The following TBCB variants were observed in gnomAD, a reference collection of about 807,000 sequenced individuals.
The protein encoded by TBCB is tubulin-folding cofactor B.
Under a neutral mutation model 29.2 loss-of-function variants are expected in TBCB, and 18 were observed. The observed-to-expected ratio is 0.62, with a 90% confidence interval of 0.43 to 0.91. The LOEUF is 0.91. Among genes scored for constraint, TBCB ranks in the 40% least tolerant of loss-of-function variants. The probability of loss-of-function intolerance (pLI) is 0.00; values close to 1 mark genes in which losing one functional copy is unlikely to be tolerated. For synonymous variants in TBCB, 172 were observed against 137.8 expected (o/e 1.25, Z -1.74); for missense variants, 336 against 337.6 (o/e 1.00, Z 0.04).
rs771108967 is a variant in TBCB at position 36,125,727 on chromosome 19, C to G, written c.680C>G (p.Ala227Gly). The change falls in exon 6 of 6, where the codon GCA (alanine) becomes GGA (glycine). Residue 227 changes from alanine (A) to glycine (G), a missense_variant. Physicochemically the swap from Ala to Gly is moderately conservative, Grantham distance 60 (BLOSUM62 0). Transcript: ENST00000221855. ...QAKYGAFVKP[A>G]VVTVGDFPEE... The stretch of plus-strand genomic sequence containing the variant: ...AAGTATGGCGCCTTTGTCAAGCCAG[C>G]AGTCGTGACGGTGGGGGACTTCCCG... 1.3e-6 allele frequency: 2 copies of G among 1,578,120 alleles called. No homozygotes were observed. The highest frequency in any genetic ancestry group is 1.7e-6 in the Non-Finnish European group (2 of 1,161,704).
chr19:36,121,681 G>A lies in TBCB; in HGVS notation c.510G>A (p.Ala170=), dbSNP rs1488079429. Residue 170 remains alanine, a synonymous_variant, in exon 4 of 6, where the codon GCG becomes GCA. Coordinates refer to ENST00000221855, the MANE Select transcript of TBCB (RefSeq NM_001281.3). ...PVGSRCEVRA[A]GQSPRRGTVM... Reference sequence around the variant, plus strand: ...GCAGCCGCTGTGAGGTGCGGGCGGCGGGACAATCCCCTCGCCGGGGCACCG... The same window carrying A: ...GCAGCCGCTGTGAGGTGCGGGCGGCAGGACAATCCCCTCGCCGGGGCACCG... 2 of 1,559,902 alleles carry A rather than the reference G, an allele frequency of 1.3e-6. No individual in the cohort carries two copies. Among genetic ancestry groups the A allele is most frequent in the East Asian group, 2.4e-5 (1 of 41,992 alleles).
intron 2 of TBCB, chr19:36,120,333 G>A (rs940777762): frequency 1.9e-5 from 4 of 205,670 alleles, no homozygotes; most frequent in Non-Finnish European, 3.0e-5. Flanking sequence ...TCTGGGGCCT[G>A]AGGTTGGGGC....
At chr19:36,122,153 CAGA>C in intron 4 of TBCB, 1 of 256,496 alleles carries the variant, frequency 3.9e-6, no homozygotes, top group Non-Finnish European at 7.7e-6. Context: ...GAGTTCCCGC[CAGA>C]AGGAGTAGCG....
At chr19:36,121,498 C>A in intron 3 of TBCB, 29 bp from the exon 4 acceptor site, 4 of 1,539,688 alleles carry the variant, frequency 2.6e-6, no homozygotes, top group African/African-American at 1.4e-5. Context: ...GCCGACACCC[C>A]AACTGACCCC....
Position 36,115,494 on chromosome 19 carries a change from G to T in TBCB, c.-67G>T. On this transcript the variant is annotated 5_prime_UTR_variant, in exon 1 of 6. Coordinates refer to ENST00000221855, the MANE Select transcript of TBCB (RefSeq NM_001281.3). ...CTGATAGCCCAGCAGCAGCAGCGGC[G>T]GCGGCGGCTGCGGAGCGGGTGTGAG... 5 of 1,223,794 alleles carry T rather than the reference G, an allele frequency of 4.1e-6. No homozygotes were observed. Among genetic ancestry groups the T allele is most frequent in the Non-Finnish European group, 5.8e-6 (5 of 860,422 alleles). 75.8% of individuals were successfully genotyped at this position (1,223,794 alleles called of 1,614,324 possible). A position where few individuals can be genotyped will look rare whatever the true frequency, so the allele number is the denominator to read the frequency against.
intron 2 of TBCB, among the ~76,000 whole-genome samples, chr19:36,117,145 T>C (rs1217562460): frequency 1.3e-5 from 2 of 152,224 alleles, no homozygotes; most frequent in African/African-American, 4.8e-5. Flanking sequence ...TTTCCCCTTC[T>C]TTGCTTTATT....
At position 36,115,496 on chromosome 19, in the gene TBCB, CGGCGGCTGCGGAGCGGGTGTGA is replaced by C; in HGVS notation, c.-56_-35del. On this transcript the variant is annotated 5_prime_UTR_variant, in exon 1 of 6. Coordinates refer to ENST00000221855, the MANE Select transcript of TBCB (RefSeq NM_001281.3). ...GATAGCCCAGCAGCAGCAGCGGCGG[CGGCGGCTGCGGAGCGGGTGTGA>C]GGCGGCTGGACCGCGCTGCAGGCAT... 2.4e-6 allele frequency: 3 copies of C among 1,257,706 alleles called. No homozygotes were observed. The highest frequency in any genetic ancestry group is 3.4e-6 in the Non-Finnish European group (3 of 891,756). The allele number at this position is 1,257,706 out of a possible 1,614,324, so 77.9% of individuals were successfully genotyped here. A position where few individuals can be genotyped will look rare whatever the true frequency, so the allele number is the denominator to read the frequency against.
In TBCB at chr19:36,120,759, G is replaced by T. The variant is rs376064713; in HGVS notation, c.308G>T (p.Arg103Leu). The T allele has an allele frequency of 5.0e-6, 8 of 1,613,780 alleles. No homozygotes were observed. The highest frequency in any genetic ancestry group is 4.4e-5 in the South Asian group (4 of 91,074). ...ARLGEYEDVSRVEKYTISQEA... is the reference protein window; with the variant it reads ...ARLGEYEDVSLVEKYTISQEA... ...CTTGGTGAGTATGAGGACGTGTCCCGGGTGGAGAAGTACACGATCTCACAA... is the reference window on the plus strand; with the variant it reads ...CTTGGTGAGTATGAGGACGTGTCCCTGGTGGAGAAGTACACGATCTCACAA... Residue 103 changes from arginine to leucine, a missense_variant, in exon 3 of 6, where the codon CGG (arginine) becomes CTG (leucine). Physicochemically the swap from Arg to Leu is moderately radical, Grantham distance 102. Coordinates refer to ENST00000221855, the MANE Select transcript of TBCB (RefSeq NM_001281.3).
At chr19:36,121,421 C>A in intron 3 of TBCB, 106 bp from the exon 4 acceptor site, 1 of 1,364,188 alleles carries the variant, frequency 7.3e-7, no homozygotes, top group East Asian at 2.5e-5. Context: ...CCCTTTGTCA[C>A]CTGGAAGAGA....
rs781190137 is a variant in TBCB at position 36,116,145 on chromosome 19, C to T, written c.219C>T (p.Leu73=). The part of the protein sequence containing the change: ...FYSKLDQEDA[L]LGSYPVDDGC... ...GCAAGCTGGATCAAGAGGATGCGCT[C>T]CTGGGCTCCTACCCTGTAGATGACG... Residue 73 remains leucine, a synonymous_variant, in exon 2 of 6, where the codon CTC becomes CTT. Coordinates refer to ENST00000221855, the MANE Select transcript of TBCB (RefSeq NM_001281.3). 13 of 1,614,058 alleles carry T rather than the reference C, an allele frequency of 8.1e-6. No individual in the cohort carries two copies. Among genetic ancestry groups the T allele is most frequent in the African/African-American group, 1.3e-5 (1 of 74,924 alleles).
Position 36,115,627 on chromosome 19 carries a change from C to T in TBCB, c.67C>T (p.Arg23Cys), listed in dbSNP as rs142309046. The T allele has an allele frequency of 2.4e-5, 38 of 1,608,778 alleles. No homozygotes were observed. The highest frequency in any genetic ancestry group is 1.7e-4 in the Middle Eastern group (1 of 6,056). ...VFISSSLNTFRSEKRYSRSLT... is the reference protein window; with the variant it reads ...VFISSSLNTFCSEKRYSRSLT... ...CATCAGCAGCTCCCTCAACACCTTC[C>T]GCTCCGAGAAGCGATACAGCCGCAG... The change falls in exon 1 of 6, where the codon CGC (arginine) becomes TGC (cysteine). Residue 23 changes from arginine (R) to cysteine (C), a missense_variant. Transcript: ENST00000221855.
chr19:36,124,005 C>T (rs910811537), intron 4 of TBCB, among the ~76,000 whole-genome samples: 4 of 152,168 alleles, frequency 2.6e-5, no homozygotes, highest in Non-Finnish European at 2.9e-5. Flanking sequence ...TTCCCACAGC[C>T]GCTGCAGCAG....
intron 2 of TBCB, chr19:36,120,412 G>A (rs1358477160): frequency 2.4e-6 from 1 of 424,270 alleles, no homozygotes; most frequent in Non-Finnish European, 4.4e-6. Context: ...CAAGGCCTGA[G>A]CTCTGCCGGT....
chr19:36,116,890 G>A (rs549231820), intron 2 of TBCB: 19 of 152,488 alleles, frequency 1.2e-4, no homozygotes, highest in African/African-American at 4.1e-4. Context: ...TAAAGTGCTG[G>A]GATTACAGGC....
At chr19:36,124,600 C>T (rs536848739) in intron 4 of TBCB, among the ~76,000 whole-genome samples, 1 of 151,996 alleles carries the variant, frequency 6.6e-6, no homozygotes, top group African/African-American at 2.4e-5. Context: ...AATACAGTGG[C>T]ATGATCTCAG....
In TBCB at chr19:36,115,496, C is replaced by CGGCGGCTGCGGAGCGGGTGTGA. The variant is rs1222595481; in HGVS notation, c.-56_-35dup. On this transcript the variant is annotated 5_prime_UTR_variant, in exon 1 of 6. Transcript: ENST00000221855. ...GATAGCCCAGCAGCAGCAGCGGCGG[C>CGGCGGCTGCGGAGCGGGTGTGA]GGCGGCTGCGGAGCGGGTGTGAGGC... is the stretch of plus-strand genomic sequence containing the variant. 3.3e-5 allele frequency: 42 copies of CGGCGGCTGCGGAGCGGGTGTGA among 1,257,704 alleles called. No individual in the cohort carries two copies. The East Asian group carries it at 7.7e-4, about 23-fold the overall frequency. 77.9% of individuals were successfully genotyped at this position (1,257,704 alleles called of 1,614,324 possible).
At chr19:36,124,217 C>T (rs905112446) in intron 4 of TBCB, among the ~76,000 whole-genome samples, 1 of 152,110 alleles carries the variant, frequency 6.6e-6, no homozygotes, top group Non-Finnish European at 1.5e-5. Flanking sequence ...AATGTCTATT[C>T]AGATCCTTTG....
rs1159594758 is a variant in TBCB, at chr19:36,115,674, G to A, written c.114G>A (p.Lys38=). The A allele has an allele frequency of 1.3e-6, 2 of 1,597,084 alleles. No homozygotes were observed. Among genetic ancestry groups the A allele is most frequent in the Admixed American group, 1.7e-5 (1 of 58,350 alleles). ...YSRSLTIAEF[K]CKLELLVGSP... is the part of the protein sequence containing the mutation. Reference sequence around the variant, plus strand: ...GCAGCCTCACCATCGCTGAGTTCAAGGTGTGGCCATGGGGGCGGGGTCCGG... The same window carrying A: ...GCAGCCTCACCATCGCTGAGTTCAAAGTGTGGCCATGGGGGCGGGGTCCGG... The change falls in exon 1 of 6, where the codon AAG becomes AAA. Residue 38 remains lysine, a splice_region_variant and synonymous_variant. Coordinates refer to ENST00000221855, the MANE Select transcript of TBCB (RefSeq NM_001281.3).
At chr19:36,122,742 A>C (rs1434208043) in intron 4 of TBCB, among the ~76,000 whole-genome samples, 2 of 144,880 alleles carry the variant, frequency 1.4e-5, no homozygotes, top group Non-Finnish European at 3.0e-5. Flanking sequence ...TGACAGAGGG[A>C]GACCCTGTCT....
Sources: allele counts gnomAD v4.1 joint callset (sites outside exome capture counted in the v4.1 genomes callset), GRCh38; gene constraint gnomAD v4.1.1; transcripts MANE v1.5; gene names NCBI Gene and HGNC (gene_info 2026-07-23, HGNC 2026-07-21).